Variants in MTRF1 observed in about 807,000 individuals in gnomAD.
The protein encoded by MTRF1 is mitochondrial translation release factor 1.
MTRF1 carries 51 observed loss-of-function variants against 62.9 expected under a neutral mutation model. The ratio of observed to expected loss-of-function variants is 0.81; its 90% CI spans 0.65 to 1.02. MTRF1 has a LOEUF of 1.02. Ranked by LOEUF, MTRF1 falls within the 50% of genes least tolerant of loss-of-function variation. MTRF1 has a pLI of 0.00. For synonymous variants in MTRF1, 158 were observed against 181.9 expected, an observed-to-expected ratio of 0.87 and a Z score of 1.06; for missense variants, 446 against 530.0, an observed-to-expected ratio of 0.84 and a Z score of 1.56.
the MTRF1 span, chr13:41,311,468 G>A: frequency 6.6e-7 from 1 of 1,523,602 alleles, no homozygotes; most frequent in Non-Finnish European, 8.9e-7. Context: ...CCACCCCCGC[G>A]AAGCGGAGCG....
intron 5 of MTRF1, among the ~76,000 whole-genome samples, chr13:41,251,140 T>C (rs1325128821): frequency 6.6e-6 from 1 of 152,192 alleles, no homozygotes; most frequent in Non-Finnish European, 1.5e-5. Flanking sequence ...CAAGACATAC[T>C]GGATAAACAA....
At chr13:41,244,154 AATG>A (rs1195379724) in intron 5 of MTRF1, among the ~76,000 whole-genome samples, 3 of 152,198 alleles carry the variant, frequency 2.0e-5, no homozygotes, top group African/African-American at 7.2e-5. Flanking sequence ...ATTCTTGCAT[AATG>A]ATAACAAATT....
intron 2 of MTRF1, among the ~76,000 whole-genome samples, chr13:41,254,879 A>C (rs1318043279): frequency 2.0e-5 from 3 of 152,218 alleles, no homozygotes; most frequent in Non-Finnish European, 4.4e-5. Flanking sequence ...AAATAGCTTA[A>C]AACATTTCAT....
chr13:41,297,110 C>T, the MTRF1 span, among the ~76,000 whole-genome samples: 2 of 152,168 alleles, frequency 1.3e-5, no homozygotes, highest in South Asian at 2.1e-4. Context: ...TCATGAGGAT[C>T]GTTAAGTCAA....
the MTRF1 span, among the ~76,000 whole-genome samples, chr13:41,271,625 T>C: frequency 6.6e-6 from 1 of 152,166 alleles, no homozygotes; most frequent in African/African-American, 2.4e-5. Flanking sequence ...TCAGCCCTTA[T>C]GTGCATTTCC....
At chr13:41,303,952 G>T in the MTRF1 span, among the ~76,000 whole-genome samples, 1 of 152,014 alleles carries the variant, frequency 6.6e-6, no homozygotes, top group Non-Finnish European at 1.5e-5. Context: ...CTAGGGGTAG[G>T]CGCGTTCCTC....
the MTRF1 span, among the ~76,000 whole-genome samples, chr13:41,312,035 A>T: frequency 2.1e-4 from 32 of 152,326 alleles, no homozygotes; most frequent in African/African-American, 7.7e-4. Context: ...GCACACCCGC[A>T]TACCTATTAA....
upstream of MTRF1, among the ~76,000 whole-genome samples, chr13:41,265,964 C>T (rs552071545): frequency 6.6e-6 from 1 of 152,240 alleles, no homozygotes; most frequent in East Asian, 1.9e-4. Flanking sequence ...ATTCTCCTGC[C>T]TCATCCTCCC....
intron 6 of MTRF1, 100 bp from the exon 7 acceptor site, chr13:41,234,107 T>C: frequency 1.1e-6 from 1 of 931,116 alleles, no homozygotes; most frequent in East Asian, 2.5e-5. Flanking sequence ...TTAAGATAAA[T>C]TATAGCCTTT....
rs775337689 is a variant in MTRF1, at chr13:41,252,983, A to G, written c.555T>C (p.Val185=). ...TCCTTCCAGCTGTCACCTCTAAAAT[A>G]ACATCATTTTTGTCATATTTCTCCT... ...VPKEKYDKND[V]ILEVTAGRTT... The change falls in exon 4 of 10, where the codon GTT becomes GTC. Residue 185 remains valine (V), a synonymous_variant. Coordinates refer to ENST00000379480, the MANE Select transcript of MTRF1 (RefSeq NM_004294.4). 1 of 1,608,128 alleles carries G rather than the reference A, an allele frequency of 6.2e-7. No individual in the cohort carries two copies. Among genetic ancestry groups the G allele is most frequent in the African/African-American group, 1.3e-5 (1 of 74,658 alleles).
rs763947110 is a variant in MTRF1, at chr13:41,226,421, G to A, written c.1125+11C>T. 5.0e-6 allele frequency: 8 copies of A among 1,603,590 alleles called. No individual in the cohort carries two copies. The highest frequency in any genetic ancestry group is 6.8e-6 in the Non-Finnish European group (8 of 1,177,688). On this transcript the variant is annotated intron_variant, in intron 8 of 9. Coordinates refer to ENST00000379480, the MANE Select transcript of MTRF1 (RefSeq NM_004294.4). ...AACAGTCACTAAATTATTATACCAAGTAAATCTTACCTGCAGTTTTCTAGC... is the reference window on the plus strand; with the variant it reads ...AACAGTCACTAAATTATTATACCAAATAAATCTTACCTGCAGTTTTCTAGC...
chr13:41,295,069 A>G, the MTRF1 span, among the ~76,000 whole-genome samples: 2 of 152,164 alleles, frequency 1.3e-5, no homozygotes, highest in African/African-American at 4.8e-5. Context: ...TTTGCAGGTC[A>G]CATGTGATTG....
the MTRF1 span, among the ~76,000 whole-genome samples, chr13:41,278,450 GCC>G: frequency 2.0e-5 from 3 of 152,196 alleles, no homozygotes; most frequent in Admixed American, 6.5e-5. Flanking sequence ...CTTGGGATAT[GCC>G]CTATGTAAAC....
chr13:41,287,643 A>G, the MTRF1 span: 1 of 153,940 alleles, frequency 6.5e-6, no homozygotes, highest in Admixed American at 6.5e-5. Flanking sequence ...ATTAATCTGT[A>G]ACTAAAATTT....
the MTRF1 span, among the ~76,000 whole-genome samples, chr13:41,283,867 G>A: frequency 6.6e-6 from 1 of 151,860 alleles, no homozygotes; most frequent in African/African-American, 2.4e-5. Context: ...GTGAGCCACC[G>A]CGCCCGGCCT....
At chr13:41,301,556 T>C in the MTRF1 span, among the ~76,000 whole-genome samples, 14 of 152,142 alleles carry the variant, frequency 9.2e-5, no homozygotes, top group South Asian at 8.3e-4. Context: ...GAGATCCACC[T>C]GGCCAACAGG....
the MTRF1 span, among the ~76,000 whole-genome samples, chr13:41,274,246 T>C: frequency 6.6e-6 from 1 of 152,222 alleles, no homozygotes; most frequent in Non-Finnish European, 1.5e-5. Flanking sequence ...TAATGATTAA[T>C]TATAACTATA....
intron 1 of MTRF1, chr13:41,261,344 A>T (rs553666934): frequency 6.6e-6 from 1 of 151,112 alleles, no homozygotes; most frequent in East Asian, 2.0e-4. Flanking sequence ...CAAAAAAAAA[A>T]AAAATTCAGC....
chr13:41,299,046 C>T, the MTRF1 span, among the ~76,000 whole-genome samples: 3 of 151,870 alleles, frequency 2.0e-5, no homozygotes, highest in Admixed American at 1.3e-4. Flanking sequence ...CTGGGCGTGA[C>T]GCACGCCTGT....
Sources: allele counts gnomAD v4.1 joint callset (sites outside exome capture counted in the v4.1 genomes callset), GRCh38; gene constraint gnomAD v4.1.1; transcripts MANE v1.5; gene names NCBI Gene and HGNC (gene_info 2026-07-23, HGNC 2026-07-21).